AKAP13: variants seen among roughly 807,000 people sequenced by gnomAD.
AKAP13 encodes A-kinase anchor protein 13.
Under a neutral mutation model 264.5 loss-of-function variants are expected in AKAP13, and 80 were observed. That is an observed-to-expected ratio of 0.30 (90% CI 0.25 to 0.36). The LOEUF is 0.36. Ranked by LOEUF, AKAP13 falls within the 10% of genes least tolerant of loss-of-function variation. The probability of loss-of-function intolerance (pLI) is 1.00; values close to 1 mark genes in which losing one functional copy is unlikely to be tolerated. For synonymous variants in AKAP13, 1,380 were observed against 1,250.2 expected (o/e 1.10, Z -2.19); for missense variants, 3,712 against 3,435.2 (o/e 1.08, Z -2.01).
chr15:85,712,032 C>G, intron 19 of AKAP13, among the ~76,000 whole-genome samples: 1 of 152,192 alleles, frequency 6.6e-6, no homozygotes, highest in Non-Finnish European at 1.5e-5. Flanking sequence ...CGGGGTCTCA[C>G]TACGTTGCCC....
chr15:85,580,724 A>T lies in AKAP13; in HGVS notation c.2656A>T (p.Ile886Phe). 1 of 1,614,176 alleles carries T rather than the reference A, an allele frequency of 6.2e-7. No individual in the cohort carries two copies. Among genetic ancestry groups the T allele is most frequent in the Non-Finnish European group, 8.5e-7 (1 of 1,180,030 alleles). ...TCCAGCAATCCCAGAAGCTCTGAAT[A>T]TCAAGGGGAACACTGACTCTTCCCT... ...APPAIPEALN[I>F]KGNTDSSLQS... The change falls in exon 7 of 37, where the codon ATC becomes TTC. Residue 886 changes from isoleucine (I) to phenylalanine (F), a missense_variant. By Grantham distance (21) the Ile-to-Phe change is conservative (BLOSUM62 0). Coordinates refer to ENST00000394518, the MANE Select transcript of AKAP13 (RefSeq NM_007200.5).
At chr15:85,417,264 A>C (rs2072284474) in intron 1 of AKAP13, among the ~76,000 whole-genome samples, 2 of 152,052 alleles carry the variant, frequency 1.3e-5, no homozygotes, top group African/African-American at 4.8e-5. Context: ...TAGTTTTTAG[A>C]CTTTGAGATT....
rs371207226 is a variant in AKAP13, at chr15:85,743,637, C to T, written c.8204C>T (p.Ser2735Phe). The T allele has an allele frequency of 8.7e-6, 14 of 1,614,046 alleles. No homozygotes were observed. Among genetic ancestry groups the T allele is most frequent in the African/African-American group, 1.3e-5 (1 of 74,910 alleles). The change falls in exon 36 of 37, where the codon TCT (serine) becomes TTT (phenylalanine). Residue 2735 changes from serine (S) to phenylalanine (F), a missense_variant. Coordinates refer to ENST00000394518, the MANE Select transcript of AKAP13 (RefSeq NM_007200.5). Reference sequence around the variant, plus strand: ...GTGTCCCCAAAAAGGAACAGCATCTCTCGGACACACAAAGATAAGGGGCCT... The same window carrying T: ...GTGTCCCCAAAAAGGAACAGCATCTTTCGGACACACAAAGATAAGGGGCCT... ...LSVSPKRNSI[S>F]RTHKDKGPFH...
At chr15:85,659,719 T>G (rs1439550875) in intron 12 of AKAP13, among the ~76,000 whole-genome samples, 3 of 118,056 alleles carry the variant, frequency 2.5e-5, no homozygotes, top group Non-Finnish European at 4.1e-5. Context: ...GCAGTCTGAG[T>G]TAGTGTATAC....
intron 2 of AKAP13, among the ~76,000 whole-genome samples, chr15:85,502,363 A>G (rs1055934702): frequency 2.6e-5 from 4 of 152,210 alleles, no homozygotes; most frequent in African/African-American, 9.6e-5. Flanking sequence ...ATACTTACTA[A>G]ACATCAGTTA....
At chr15:85,631,865 T>A (rs2081845392) in intron 8 of AKAP13, among the ~76,000 whole-genome samples, 1 of 152,130 alleles carries the variant, frequency 6.6e-6, no homozygotes, top group Non-Finnish European at 1.5e-5. Context: ...ATAAATTTTT[T>A]AAAAATAAAA....
chr15:85,740,427 C>G lies in AKAP13; in HGVS notation c.7608+155C>G, dbSNP rs2088867158. The G allele has an allele frequency of 8.0e-6, 6 of 749,250 alleles. No homozygotes were observed. In the South Asian group the frequency reaches 9.5e-5, roughly 12 times the overall value. 46.4% of individuals were successfully genotyped at this position (749,250 alleles called of 1,614,324 possible). On this transcript the variant is annotated intron_variant, in intron 34 of 36. Transcript: ENST00000394518. ...ACTGGCTCTCGTGGTGAGAAAGTTA[C>G]AGAATGCATCGACCTTCCAGGACTA...
At chr15:85,497,270 C>G (rs984257972) in intron 2 of AKAP13, among the ~76,000 whole-genome samples, 1 of 152,162 alleles carries the variant, frequency 6.6e-6, no homozygotes, top group African/African-American at 2.4e-5. Flanking sequence ...GATTCTTTCA[C>G]TGGGGAGGAA....
rs145121924 is a variant in AKAP13, at chr15:85,625,390, G to T, written c.4162-13984G>T. Among the ~76,000 whole-genome samples, 948 of 152,206 alleles carry T rather than the reference G, an allele frequency of 6.2e-3. 11 individuals carry two copies. Among genetic ancestry groups the T allele is most frequent in the African/African-American group, 0.021 (890 of 41,528 alleles). On this transcript the variant is annotated intron_variant, in intron 8 of 36. Coordinates refer to ENST00000394518, the MANE Select transcript of AKAP13 (RefSeq NM_007200.5). Reference sequence around the variant, plus strand: ...ATTCTGCTGATGATCAGAATCTTTTGCCAAGCCTAGTCTCAGAACTGACTG... The same window carrying T: ...ATTCTGCTGATGATCAGAATCTTTTTCCAAGCCTAGTCTCAGAACTGACTG...
chr15:85,395,398 C>A (rs1315050778), intron 1 of AKAP13, among the ~76,000 whole-genome samples: 1 of 152,014 alleles, frequency 6.6e-6, no homozygotes, highest in Non-Finnish European at 1.5e-5. Flanking sequence ...GCTGTTGAAC[C>A]TCTTTGTAAC....
intron 15 of AKAP13, among the ~76,000 whole-genome samples, chr15:85,683,851 G>T (rs1247839556): frequency 1.3e-5 from 2 of 152,202 alleles, no homozygotes; most frequent in Non-Finnish European, 2.9e-5. Flanking sequence ...TAGATTTTAT[G>T]TAGGTTTCTT....
chr15:85,517,257 C>T (rs2076637724), intron 2 of AKAP13, among the ~76,000 whole-genome samples: 1 of 152,214 alleles, frequency 6.6e-6, no homozygotes. Context: ...ATATCTACTA[C>T]CTTCCCTGTT....
intron 34 of AKAP13, chr15:85,740,645 C>T: frequency 3.1e-6 from 1 of 324,880 alleles, no homozygotes; most frequent in East Asian, 6.3e-5. Context: ...TTTCGGACTT[C>T]CCAGGAACAT....
At chr15:85,482,675 A>G (rs1227107668) in intron 1 of AKAP13, among the ~76,000 whole-genome samples, 2 of 152,238 alleles carry the variant, frequency 1.3e-5, no homozygotes, top group East Asian at 3.8e-4. Context: ...CCTTGGTGTT[A>G]AATGATTTAA....
intron 17 of AKAP13, among the ~76,000 whole-genome samples, chr15:85,704,839 G>A (rs943770028): frequency 1.3e-5 from 2 of 152,200 alleles, no homozygotes; most frequent in African/African-American, 4.8e-5. Context: ...CCCAAACAGA[G>A]AGTAAGATTT....
At chr15:85,743,215 T>A (rs952636100) in intron 35 of AKAP13, among the ~76,000 whole-genome samples, 1 of 152,164 alleles carries the variant, frequency 6.6e-6, no homozygotes, top group Non-Finnish European at 1.5e-5. Flanking sequence ...TCAAAGGTAC[T>A]ATTGGTTTTT....
intron 9 of AKAP13, among the ~76,000 whole-genome samples, chr15:85,645,143 A>G (rs1379230263): frequency 2.6e-5 from 4 of 152,142 alleles, no homozygotes; most frequent in Non-Finnish European, 5.9e-5. Context: ...CAAAACAGAA[A>G]AGCAAAGTTA....
At chr15:85,627,766 G>A (rs1333719129) in intron 8 of AKAP13, 2 of 152,258 alleles carry the variant, frequency 1.3e-5, no homozygotes, top group African/African-American at 4.8e-5. Flanking sequence ...GTGACGTAGT[G>A]TGCACGTTCC....
intron 8 of AKAP13, among the ~76,000 whole-genome samples, chr15:85,595,545 G>A (rs1465466492): frequency 3.9e-5 from 6 of 152,324 alleles, no homozygotes; most frequent in Non-Finnish European, 8.8e-5. Flanking sequence ...TACCATTAAT[G>A]TGCTATAGGA....
Sources: allele counts gnomAD v4.1 joint callset (sites outside exome capture counted in the v4.1 genomes callset), GRCh38; gene constraint gnomAD v4.1.1; transcripts MANE v1.5; gene names NCBI Gene and HGNC (gene_info 2026-07-23, HGNC 2026-07-21).